Variants in CSMD1 observed in about 807,000 individuals in gnomAD.
CSMD1 encodes CUB and sushi domain-containing protein 1.
In CSMD1, 213 loss-of-function variants were observed where a neutral mutation model predicts 417.5. That is an observed-to-expected ratio of 0.51 (90% confidence interval 0.46 to 0.57). The LOEUF (loss-of-function observed/expected upper bound fraction) is 0.57, where lower values mean the gene tolerates loss of function less well. Ranked by LOEUF, CSMD1 falls within the 20% of genes least tolerant of loss-of-function variation. The pLI is 0.00. For missense variants in CSMD1, 6,923 were observed against 4,529.7 expected, an observed-to-expected ratio of 1.53 and a Z score of -15.17; for synonymous variants, 2,862 against 1,736.8, an observed-to-expected ratio of 1.65 and a Z score of -16.11.
At position 4,724,420 on chromosome 8, in the gene CSMD1, A is replaced by G. The variant is rs1014647034; in HGVS notation, c.86-86862T>C. ...CATACCATAAAGTAAAATCAGACTTAAATATACAAATAACAGATTCAAATA... is the reference window on the plus strand; with the variant it reads ...CATACCATAAAGTAAAATCAGACTTGAATATACAAATAACAGATTCAAATA... On this transcript the variant is annotated intron_variant, in intron 1 of 69. Transcript: ENST00000635120. Among the ~76,000 whole-genome samples, 10 of 152,052 alleles carry G rather than the reference A, an allele frequency of 6.6e-5. 1 individual carries two copies. Among genetic ancestry groups the G allele is most frequent in the Admixed American group, 2.0e-4 (3 of 15,248 alleles).
chr8:3,229,859 C>A (rs926268251), intron 27 of CSMD1, among the ~76,000 whole-genome samples, 181 bp downstream of exon 27: 1 of 152,106 alleles, frequency 6.6e-6, no homozygotes, highest in Non-Finnish European at 1.5e-5. Flanking sequence ...TTCCTTTATT[C>A]TACCTCATAA....
At chr8:4,153,447 G>C (rs1270073658) in intron 3 of CSMD1, among the ~76,000 whole-genome samples, 4 of 152,310 alleles carry the variant, frequency 2.6e-5, no homozygotes, top group South Asian at 4.1e-4. Flanking sequence ...CTTAGCAGAT[G>C]AGCCAGTGGA....
chr8:3,829,950 G>A (rs537676254), intron 5 of CSMD1, among the ~76,000 whole-genome samples: 33 of 152,168 alleles, frequency 2.2e-4, no homozygotes, highest in African/African-American at 7.2e-4. Context: ...TGATTTCAAG[G>A]AAAATTAAAA....
chr8:3,292,898 G>C (rs1373508050), intron 25 of CSMD1, among the ~76,000 whole-genome samples: 2 of 151,786 alleles, frequency 1.3e-5, no homozygotes, highest in Admixed American at 6.6e-5. Context: ...TTGCTCGTTA[G>C]TTGATGCAGT....
At chr8:3,828,118 T>A (rs1201145780) in intron 5 of CSMD1, among the ~76,000 whole-genome samples, 1 of 152,210 alleles carries the variant, frequency 6.6e-6, no homozygotes, top group Non-Finnish European at 1.5e-5. Context: ...ATAGCCCATA[T>A]GGCAGAACCT....
intron 3 of CSMD1, among the ~76,000 whole-genome samples, chr8:4,182,630 T>C (rs1798442374): frequency 6.6e-6 from 1 of 152,170 alleles, no homozygotes; most frequent in Non-Finnish European, 1.5e-5. Context: ...GTTTATCATA[T>C]ATACTCATTT....
chr8:3,782,332 T>C (rs978556060), intron 5 of CSMD1, among the ~76,000 whole-genome samples: 2 of 152,146 alleles, frequency 1.3e-5, no homozygotes, highest in Admixed American at 1.3e-4. Context: ...TGTGGCCCTA[T>C]AGGAAAATGT....
chr8:3,302,912 C>T (rs897381766), intron 25 of CSMD1, among the ~76,000 whole-genome samples: 2 of 152,142 alleles, frequency 1.3e-5, no homozygotes, highest in East Asian at 3.9e-4. Context: ...GGTTTCTTTC[C>T]TCTGACTCAG....
At chr8:2,977,305 C>T (rs1390095317) in intron 55 of CSMD1, among the ~76,000 whole-genome samples, 1 of 152,134 alleles carries the variant, frequency 6.6e-6, no homozygotes, top group Non-Finnish European at 1.5e-5. Context: ...GGTCCTCTCC[C>T]TGTGTCTATG....
At chr8:4,749,087 C>A (rs1673257) in intron 1 of CSMD1, among the ~76,000 whole-genome samples, 3 of 152,098 alleles carry the variant, frequency 2.0e-5, no homozygotes, top group Admixed American at 6.5e-5. Context: ...CGCTCGCCTG[C>A]CCATGCAGTC....
intron 41 of CSMD1, among the ~76,000 whole-genome samples, chr8:3,130,869 A>C (rs1044002443): frequency 6.6e-6 from 1 of 152,190 alleles, no homozygotes; most frequent in South Asian, 2.1e-4. Flanking sequence ...TGCCCTAAAC[A>C]TATGTTTTTG....
intron 1 of CSMD1, among the ~76,000 whole-genome samples, chr8:4,845,987 C>G (rs1452532563): frequency 6.6e-6 from 1 of 152,168 alleles, no homozygotes; most frequent in Non-Finnish European, 1.5e-5. Context: ...TTTGCTGAGT[C>G]AGAACATTAT....
chr8:3,537,057 G>C (rs1227430556), intron 10 of CSMD1, among the ~76,000 whole-genome samples: 2 of 151,924 alleles, frequency 1.3e-5, no homozygotes, highest in East Asian at 3.9e-4. Context: ...GGGCTGGAGT[G>C]CAGTGGCACT....
At chr8:4,579,105 C>T (rs978639214) in intron 2 of CSMD1, among the ~76,000 whole-genome samples, 1 of 151,676 alleles carries the variant, frequency 6.6e-6, no homozygotes, top group East Asian at 2.0e-4. Context: ...AGAGTAAGGA[C>T]AATAAAACAT....
At chr8:3,354,055 C>G (rs573524163) in intron 21 of CSMD1, among the ~76,000 whole-genome samples, 1 of 152,082 alleles carries the variant, frequency 6.6e-6, no homozygotes, top group Non-Finnish European at 1.5e-5. Context: ...ATAGCATTAA[C>G]CAAAATGTCT....
At chr8:3,967,078 A>G (rs939976127) in intron 5 of CSMD1, among the ~76,000 whole-genome samples, 1 of 152,214 alleles carries the variant, frequency 6.6e-6, no homozygotes, top group Non-Finnish European at 1.5e-5. Context: ...TGAGCAAGCT[A>G]TTCTAACAAG....
chr8:4,348,233 T>A (rs1800887774), intron 3 of CSMD1, among the ~76,000 whole-genome samples: 1 of 152,106 alleles, frequency 6.6e-6, no homozygotes, highest in Admixed American at 6.6e-5. Context: ...CAATGCATAC[T>A]AAGTGCTCTT....
rs76344337 is a variant in CSMD1, at chr8:3,832,209, G to C, written c.819-78167C>G. On this transcript the variant is annotated intron_variant, in intron 5 of 69. Coordinates refer to ENST00000635120, the MANE Select transcript of CSMD1 (RefSeq NM_033225.6). ...GGCTGAGTCACGTGGGATGGAATAA[G>C]CTGTGCCCTGTCCAGACCTGGTACC... Among the ~76,000 whole-genome samples the C allele has an allele frequency of 3.9e-5, 6 of 152,274 alleles. No individual in the cohort carries two copies. The East Asian group carries it at 1.2e-3, about 29-fold the overall frequency.
At chr8:3,705,732 G>A (rs1398284948) in intron 7 of CSMD1, among the ~76,000 whole-genome samples, 1 of 152,210 alleles carries the variant, frequency 6.6e-6, no homozygotes, top group Non-Finnish European at 1.5e-5. Flanking sequence ...ACTTCTGCAA[G>A]AGAGGTTTGT....
Sources: gnomAD v4.1 joint callset for allele counts (sites outside exome capture counted in the v4.1 genomes callset) on GRCh38, gnomAD v4.1.1 for gene constraint, MANE v1.5 for transcripts, NCBI Gene and HGNC (gene_info 2026-07-23, HGNC 2026-07-21) for gene names.